AGPS: variants seen among roughly 807,000 people sequenced by gnomAD.
AGPS encodes the protein alkylglycerone phosphate synthase, also known as alkyldihydroxyacetonephosphate synthase, peroxisomal.
A neutral mutation model predicts 90.7 loss-of-function variants in AGPS; 26 were observed. The ratio of observed to expected loss-of-function variants is 0.29; its 90% CI spans 0.21 to 0.40. The LOEUF is 0.40. Ranked by LOEUF, AGPS falls within the 10% of genes least tolerant of loss-of-function variation. The pLI is 1.00. For missense variants in AGPS, 540 were observed against 816.1 expected (o/e 0.66, Z 4.12); for synonymous variants, 294 against 285.3 (o/e 1.03, Z -0.31).
At chr2:177,474,090 A>G (rs1268441600) in intron 10 of AGPS, among the ~76,000 whole-genome samples, 1 of 152,130 alleles carries the variant, frequency 6.6e-6, no homozygotes, top group Non-Finnish European at 1.5e-5. Context: ...ACATTTAAGA[A>G]TAAACTTTTT....
chr2:177,393,922 G>A (rs1039346299), intron 1 of AGPS, among the ~76,000 whole-genome samples: 3 of 152,162 alleles, frequency 2.0e-5, no homozygotes, highest in Admixed American at 6.5e-5. Context: ...AGTAGCTAAT[G>A]TTTAAAGTGT....
intron 19 of AGPS, among the ~76,000 whole-genome samples, chr2:177,526,503 T>C (rs925061721): frequency 2.6e-5 from 4 of 152,220 alleles, no homozygotes; most frequent in Admixed American, 6.5e-5. Flanking sequence ...GTGCTTGTTA[T>C]ATTTTTTGAT....
intron 11 of AGPS, among the ~76,000 whole-genome samples, chr2:177,491,497 G>C (rs1289491069): frequency 1.2e-4 from 17 of 136,902 alleles, no homozygotes; most frequent in Non-Finnish European, 2.6e-4. Context: ...GGCTGGTCTT[G>C]AACTCCTGAC....
chr2:177,488,867 A>G (rs927337465), intron 11 of AGPS, among the ~76,000 whole-genome samples: 1 of 152,164 alleles, frequency 6.6e-6, no homozygotes, highest in Non-Finnish European at 1.5e-5. Flanking sequence ...TTCAATGCTT[A>G]TACTTTTATA....
intron 2 of AGPS, among the ~76,000 whole-genome samples, chr2:177,429,255 T>C (rs923579172): frequency 2.0e-5 from 3 of 152,182 alleles, no homozygotes; most frequent in Non-Finnish European, 4.4e-5. Context: ...GGTTAGAGCA[T>C]GTTCCTTTAG....
intron 2 of AGPS, among the ~76,000 whole-genome samples, chr2:177,427,876 A>G (rs1349728906): frequency 1.3e-5 from 2 of 152,088 alleles, no homozygotes; most frequent in Admixed American, 1.3e-4. Flanking sequence ...CAGGTTTTGA[A>G]TATCTTTTAA....
Position 177,454,196 on chromosome 2 carries a change from AG to A in AGPS, c.871-7694del, listed in dbSNP as rs1183125785. 3.3e-5 allele frequency among the ~76,000 whole-genome samples: 5 copies of A among 151,786 alleles called. No individual in the cohort carries two copies. In the East Asian group the frequency reaches 5.9e-4, roughly 18 times the overall value. On this transcript the variant is annotated intron_variant, in intron 8 of 19. Coordinates refer to ENST00000264167, the MANE Select transcript of AGPS (RefSeq NM_003659.4). ...TAAACCCCCCTCCCCGCTGACCTTT[AG>A]GGACTCTATTTACTCACTTATTAGG...
intron 10 of AGPS, among the ~76,000 whole-genome samples, chr2:177,474,718 G>A (rs1438153059): frequency 6.6e-6 from 1 of 152,086 alleles, no homozygotes; most frequent in African/African-American, 2.4e-5. Context: ...ACTATTCTTT[G>A]CTCATCACAT....
At chr2:177,492,671 G>A (rs1688299931) in intron 11 of AGPS, among the ~76,000 whole-genome samples, 1 of 152,182 alleles carries the variant, frequency 6.6e-6, no homozygotes, top group African/African-American at 2.4e-5. Context: ...AGGCTGTGTG[G>A]TTTGCCTGAA....
Position 177,440,969 on chromosome 2 carries a change from C to T in AGPS, c.642C>T (p.Cys214=), listed in dbSNP as rs1686585383. Residue 214 remains cysteine, a synonymous_variant, in exon 6 of 20, where the codon TGC becomes TGT. Coordinates refer to ENST00000264167, the MANE Select transcript of AGPS (RefSeq NM_003659.4). ...TATTTTCCCTTTTTTCAACAGCATG[C>T]CATGATGATGTAGTTAAGATTGTGA... The part of the protein sequence containing the change: ...RIPDIVLWPT[C]HDDVVKIVNL... 1 of 1,611,426 alleles carries T rather than the reference C, an allele frequency of 6.2e-7. No individual in the cohort carries two copies. The highest frequency in any genetic ancestry group is 1.1e-5 in the South Asian group (1 of 90,940).
chr2:177,428,915 A>C (rs1045128045), intron 2 of AGPS, among the ~76,000 whole-genome samples: 80 of 152,286 alleles, frequency 5.3e-4, no homozygotes, highest in African/African-American at 1.8e-3. Flanking sequence ...ATGTTTTCCA[A>C]CTTGGTTCCA....
intron 2 of AGPS, among the ~76,000 whole-genome samples, chr2:177,424,593 G>A (rs1686025865): frequency 6.6e-6 from 1 of 152,054 alleles, no homozygotes; most frequent in African/African-American, 2.4e-5. Flanking sequence ...CTATTCCTTT[G>A]TGTATTTACC....
At chr2:177,507,471 A>G (rs1238627588) in intron 15 of AGPS, among the ~76,000 whole-genome samples, 2 of 152,168 alleles carry the variant, frequency 1.3e-5, no homozygotes, top group Non-Finnish European at 2.9e-5. Flanking sequence ...TAGCTGCACT[A>G]TATTACTATG....
At chr2:177,462,062 A>G (rs1197745937) in intron 9 of AGPS, 44 bp downstream of exon 9, 1 of 1,452,890 alleles carries the variant, frequency 6.9e-7, no homozygotes, top group South Asian at 1.2e-5. Context: ...ATTAGTATAT[A>G]GATATTATTA....
intron 8 of AGPS, among the ~76,000 whole-genome samples, chr2:177,451,398 C>T (rs1686945798): frequency 6.6e-6 from 1 of 152,012 alleles, no homozygotes; most frequent in Admixed American, 6.6e-5. Context: ...GATCTTATAT[C>T]CTGCAACTTT....
chr2:177,538,160 C>T lies in AGPS; in HGVS notation c.1942C>T (p.Pro648Ser). 1 of 1,612,736 alleles carries T rather than the reference C, an allele frequency of 6.2e-7. No homozygotes were observed. The highest frequency in any genetic ancestry group is 8.5e-7 in the Non-Finnish European group (1 of 1,179,114). Reference protein sequence around the residue: ...MLKSVKEYVDPNNIFGNRNLL With the variant: ...MLKSVKEYVDSNNIFGNRNLL ...GAAGTCTGTCAAGGAATATGTGGACCCCAATAACATCTTTGGAAACAGAAA... is the reference window on the plus strand; with the variant it reads ...GAAGTCTGTCAAGGAATATGTGGACTCCAATAACATCTTTGGAAACAGAAA... The change falls in exon 20 of 20, where the codon CCC (proline) becomes TCC (serine). Residue 648 changes from proline to serine, a missense_variant. By Grantham distance (74) the Pro-to-Ser change is moderately conservative (BLOSUM62 -1). Around this residue, in one of 2 missense-constraint regions of AGPS, gnomAD observed 405 missense variants for 692.1 expected, o/e 0.59. Coordinates refer to ENST00000264167, the MANE Select transcript of AGPS (RefSeq NM_003659.4).
intron 10 of AGPS, among the ~76,000 whole-genome samples, chr2:177,470,732 A>G (rs563584121): frequency 4.6e-5 from 7 of 151,472 alleles, no homozygotes; most frequent in Non-Finnish European, 7.4e-5. Context: ...AAAAGAAAAA[A>G]AAAAGAAATA....
chr2:177,520,277 T>G (rs1411240288), intron 17 of AGPS, among the ~76,000 whole-genome samples: 3 of 152,230 alleles, frequency 2.0e-5, no homozygotes, highest in Non-Finnish European at 4.4e-5. Context: ...AAGATGCAGT[T>G]GCTCTGATTC....
intron 11 of AGPS, among the ~76,000 whole-genome samples, chr2:177,492,734 T>C (rs1559070810): frequency 6.6e-6 from 1 of 152,196 alleles, no homozygotes; most frequent in East Asian, 1.9e-4. Context: ...TTACTGTGGA[T>C]AAAATACAGT....
Sources: allele counts gnomAD v4.1 joint callset (sites outside exome capture counted in the v4.1 genomes callset), GRCh38; gene constraint gnomAD v4.1.1; regional missense constraint gnomAD v4.1.1; transcripts MANE v1.5; gene names NCBI Gene and HGNC (gene_info 2026-07-23, HGNC 2026-07-21).